Variants in CDKAL1 observed in about 807,000 individuals in gnomAD.
CDKAL1 encodes the protein threonylcarbamoyladenosine tRNA methylthiotransferase.
CDKAL1 carries 32 observed loss-of-function variants against 68.2 expected under a neutral mutation model. The ratio of observed to expected loss-of-function variants is 0.47; its 90% CI spans 0.35 to 0.63. CDKAL1 has a LOEUF of 0.63. Among genes scored for constraint, CDKAL1 ranks in the 30% least tolerant of loss-of-function variants. The probability of loss-of-function intolerance (pLI) is 0.00; values close to 1 mark genes in which losing one functional copy is unlikely to be tolerated. For synonymous variants in CDKAL1, 234 were observed against 244.3 expected (o/e 0.96, Z 0.39); for missense variants, 606 against 696.7 (o/e 0.87, Z 1.47).
intron 2 of CDKAL1, among the ~76,000 whole-genome samples, chr6:20,541,989 C>A (rs1003068026): frequency 3.3e-5 from 5 of 152,192 alleles, no homozygotes; most frequent in Non-Finnish European, 7.3e-5. Flanking sequence ...CCACGTGGTA[C>A]GTATGTTAAC....
At chr6:20,559,321 G>C (rs1483311747) in intron 4 of CDKAL1, 1 of 152,126 alleles carries the variant, frequency 6.6e-6, no homozygotes, top group Non-Finnish European at 1.5e-5. Flanking sequence ...GTTCACTGTT[G>C]TGAATTCTAA....
At chr6:20,622,176 T>C (rs951376749) in intron 4 of CDKAL1, among the ~76,000 whole-genome samples, 4 of 152,130 alleles carry the variant, frequency 2.6e-5, no homozygotes, top group Non-Finnish European at 4.4e-5. Context: ...TTAGCTTTGC[T>C]TCTATATTTA....
rs202002678 is a variant in CDKAL1 at position 20,998,625 on chromosome 6, G to GA, written c.910-1589dup. On this transcript the variant is annotated intron_variant, in intron 10 of 15. Coordinates refer to ENST00000274695, the MANE Select transcript of CDKAL1 (RefSeq NM_017774.3). ...AATTCCATCTCAAAAAAAGAAAAAA[G>GA]AAAAAAAAAAAAAGAGCCTACTGAA... is the stretch of plus-strand genomic sequence containing the variant. Among the ~76,000 whole-genome samples, 364 of 114,708 alleles carry GA rather than the reference G, an allele frequency of 3.2e-3. 2 individuals carry two copies. Among genetic ancestry groups the GA allele is most frequent in the African/African-American group, 7.7e-3 (242 of 31,598 alleles). The allele number at this position is 114,708 out of a possible 152,430, so 75.3% of individuals were successfully genotyped here. A position where few individuals can be genotyped will look rare whatever the true frequency, so the allele number is the denominator to read the frequency against.
At chr6:20,582,018 A>C (rs1765160990) in intron 4 of CDKAL1, among the ~76,000 whole-genome samples, 2 of 152,216 alleles carry the variant, frequency 1.3e-5, no homozygotes, top group South Asian at 4.1e-4. Context: ...AAAAGTAAAC[A>C]TATAAAAATT....
At chr6:21,145,682 C>G (rs893214084) in intron 13 of CDKAL1, among the ~76,000 whole-genome samples, 5 of 152,252 alleles carry the variant, frequency 3.3e-5, no homozygotes, top group Non-Finnish European at 5.9e-5. Context: ...AGCAAAGTCT[C>G]TGTCTAAAAT....
intron 11 of CDKAL1, among the ~76,000 whole-genome samples, chr6:21,050,185 G>A (rs1770465495): frequency 6.6e-6 from 1 of 152,110 alleles, no homozygotes; most frequent in Admixed American, 6.5e-5. Context: ...ACCTTGAAAG[G>A]CCATCTTTGA....
Position 21,164,996 on chromosome 6 carries a change from G to A in CDKAL1, c.1300-33025G>A, listed in dbSNP as rs181860047. On this transcript the variant is annotated intron_variant, in intron 13 of 15. Coordinates refer to ENST00000274695, the MANE Select transcript of CDKAL1 (RefSeq NM_017774.3). ...CTGAAATGAACGAATAGACAGCTAA[G>A]ATGTGGTTAATCAATGTGAAAGCAA... Among the ~76,000 whole-genome samples, 474 of 152,330 alleles carry A rather than the reference G, an allele frequency of 3.1e-3. 3 individuals carry two copies. The highest frequency in any genetic ancestry group is 0.011 in the African/African-American group (455 of 41,562).
chr6:20,951,392 A>G (rs527600212), intron 9 of CDKAL1, among the ~76,000 whole-genome samples: 46 of 152,262 alleles, frequency 3.0e-4, no homozygotes, highest in South Asian at 6.2e-4. Context: ...TTGTGGTGAG[A>G]CTATTTTATT....
chr6:20,838,137 G>A (rs750826582), intron 8 of CDKAL1, among the ~76,000 whole-genome samples: 15 of 150,960 alleles, frequency 9.9e-5, no homozygotes, highest in Non-Finnish European at 1.9e-4. Context: ...TAAACTTTAT[G>A]GTATATTAGG....
chr6:20,721,704 T>C (rs890010843), intron 5 of CDKAL1, among the ~76,000 whole-genome samples: 1 of 149,458 alleles, frequency 6.7e-6, no homozygotes, highest in Non-Finnish European at 1.5e-5. Context: ...TTCCTTCTTC[T>C]CTGCACCCTG....
chr6:20,904,082 G>T (rs1762126928), intron 9 of CDKAL1, among the ~76,000 whole-genome samples: 1 of 152,126 alleles, frequency 6.6e-6, no homozygotes, highest in African/African-American at 2.4e-5. Flanking sequence ...CACAATGTAG[G>T]GTGCACAATA....
At chr6:20,874,618 G>A (rs1450892304) in intron 9 of CDKAL1, among the ~76,000 whole-genome samples, 1 of 151,982 alleles carries the variant, frequency 6.6e-6, no homozygotes, top group Non-Finnish European at 1.5e-5. Flanking sequence ...AGGTTCAAGC[G>A]ATTCTCTTGC....
chr6:21,065,636 G>C (rs1771395131), intron 12 of CDKAL1, among the ~76,000 whole-genome samples: 1 of 143,758 alleles, frequency 7.0e-6, no homozygotes, highest in South Asian at 2.2e-4. Context: ...CCCTAGTTTT[G>C]CTGCTTTTCT....
intron 11 of CDKAL1, among the ~76,000 whole-genome samples, chr6:21,038,394 T>A (rs115825952): frequency 0.011 from 1,606 of 152,304 alleles, 28 homozygotes; most frequent in African/African-American, 0.036. Flanking sequence ...GGGGTCAGAC[T>A]TCTGAGCACA....
At chr6:21,104,617 G>A (rs973753934) in intron 12 of CDKAL1, among the ~76,000 whole-genome samples, 2 of 152,086 alleles carry the variant, frequency 1.3e-5, no homozygotes, top group Non-Finnish European at 1.5e-5. Flanking sequence ...TGGATTGTGT[G>A]ACTGATCTCA....
At chr6:21,212,012 C>T (rs1779167602) in intron 15 of CDKAL1, among the ~76,000 whole-genome samples, 2 of 152,282 alleles carry the variant, frequency 1.3e-5, no homozygotes, top group African/African-American at 4.8e-5. Flanking sequence ...GCTCCAGCCT[C>T]AGCCTCTTAG....
chr6:20,550,754 G>A (rs1473451371), intron 4 of CDKAL1, among the ~76,000 whole-genome samples: 1 of 151,486 alleles, frequency 6.6e-6, no homozygotes, highest in Non-Finnish European at 1.5e-5. Flanking sequence ...CGAATGCTTT[G>A]TGACAGGCAC....
chr6:20,851,749 T>G (rs975440876), intron 9 of CDKAL1, among the ~76,000 whole-genome samples: 7 of 151,784 alleles, frequency 4.6e-5, no homozygotes, highest in African/African-American at 1.5e-4. Context: ...TTTCAAGACT[T>G]GCAAAGATAC....
At chr6:20,725,783 T>TAAAAAAAAAA (rs67587689) in intron 5 of CDKAL1, among the ~76,000 whole-genome samples, 16 of 99,074 alleles carry the variant, frequency 1.6e-4, no homozygotes, top group African/African-American at 6.2e-4. Flanking sequence ...AAACTCCGTC[T>TAAAAAAAAAA]AAAAAAAAAA....
Sources: allele counts gnomAD v4.1 joint callset (sites outside exome capture counted in the v4.1 genomes callset), GRCh38; gene constraint gnomAD v4.1.1; transcripts MANE v1.5; gene names NCBI Gene and HGNC (gene_info 2026-07-23, HGNC 2026-07-21).